CADPS2: variants seen among roughly 807,000 people sequenced by gnomAD.
CADPS2 encodes the protein calcium dependent secretion activator 2, also known as calcium-dependent secretion activator 2.
Under a neutral mutation model 172.5 loss-of-function variants are expected in CADPS2, and 93 were observed. The observed-to-expected ratio is 0.54, with a 90% CI of 0.46 to 0.64. The LOEUF is 0.64. CADPS2 is among the 30% of genes least tolerant of loss of function. CADPS2 has a pLI of 0.00. For missense variants in CADPS2, 1,420 were observed against 1,565.9 expected (o/e 0.91, Z 1.57); for synonymous variants, 546 against 555.2 (o/e 0.98, Z 0.23).
At chr7:122,559,239 G>A (rs2065409724) in intron 7 of CADPS2, among the ~76,000 whole-genome samples, 1 of 152,242 alleles carries the variant, frequency 6.6e-6, no homozygotes, top group East Asian at 1.9e-4. Flanking sequence ...TATGGGGGCT[G>A]TTGAAACCAA....
intron 8 of CADPS2, among the ~76,000 whole-genome samples, chr7:122,529,413 A>G (rs796174928): frequency 6.6e-6 from 1 of 152,128 alleles, no homozygotes; most frequent in South Asian, 2.1e-4. Context: ...CCCTAATTTT[A>G]CAACTATTAT....
At chr7:122,394,109 T>A (rs779363218) in intron 20 of CADPS2, among the ~76,000 whole-genome samples, 1 of 152,208 alleles carries the variant, frequency 6.6e-6, no homozygotes, top group Non-Finnish European at 1.5e-5. Flanking sequence ...TTATAGTTAT[T>A]TGTGGATTTT....
At chr7:122,638,291 C>A (rs1302373002) in intron 3 of CADPS2, among the ~76,000 whole-genome samples, 1 of 152,142 alleles carries the variant, frequency 6.6e-6, no homozygotes, top group Admixed American at 6.5e-5. Flanking sequence ...GGGATCTCAC[C>A]CTTTTCAGTA....
chr7:122,531,944 T>C (rs774308467), intron 8 of CADPS2, among the ~76,000 whole-genome samples: 2 of 151,812 alleles, frequency 1.3e-5, no homozygotes, highest in South Asian at 2.1e-4. Flanking sequence ...GGCAGGAGAA[T>C]TGCTTGAGCC....
At chr7:122,539,807 CTCTG>C (rs961818420) in intron 8 of CADPS2, among the ~76,000 whole-genome samples, 2 of 148,564 alleles carry the variant, frequency 1.3e-5, no homozygotes, top group Admixed American at 6.9e-5. Flanking sequence ...CTTTGTCCAT[CTCTG>C]TCTTTCTGTC....
intron 6 of CADPS2, among the ~76,000 whole-genome samples, chr7:122,607,797 T>C (rs1376292481): frequency 1.3e-5 from 2 of 152,174 alleles, no homozygotes; most frequent in African/African-American, 4.8e-5. Context: ...CTATCGGTCT[T>C]AGAGAAATGT....
intron 27 of CADPS2, among the ~76,000 whole-genome samples, chr7:122,356,723 A>G (rs2039452660): frequency 6.6e-6 from 1 of 152,180 alleles, no homozygotes; most frequent in Non-Finnish European, 1.5e-5. Flanking sequence ...ATAATCCAAT[A>G]TTACTTTACA....
intron 1 of CADPS2, among the ~76,000 whole-genome samples, chr7:122,785,630 T>A (rs987535664): frequency 6.6e-6 from 1 of 152,144 alleles, no homozygotes; most frequent in Non-Finnish European, 1.5e-5. Context: ...GCCCTCCTCT[T>A]GGGCTCAAGG....
In CADPS2 at chr7:122,696,459, T is replaced by C. The variant is rs1012506793; in HGVS notation, c.454-32890A>G. ...CATTTGCCCAGTTTTTGCCGATTCT[T>C]CCTGGCCTTAGATTAGTGTCTCTCC... is the stretch of plus-strand genomic sequence containing the variant. On this transcript the variant is annotated intron_variant, in intron 2 of 29. Transcript: ENST00000449022. 3.2e-4 allele frequency among the ~76,000 whole-genome samples: 48 copies of C among 152,192 alleles called. 1 individual carries two copies. The highest frequency in any genetic ancestry group is 2.9e-5 in the Non-Finnish European group (2 of 68,028).
rs569123764 is a variant in CADPS2, at chr7:122,607,810, C to T, written c.1223+7371G>A. ...CCCTATCGGTCTTAGAGAAATGTTA[C>T]TTCTAATGAATTTATTTATATAAAA... On this transcript the variant is annotated intron_variant, in intron 6 of 29. Coordinates refer to ENST00000449022, the MANE Select transcript of CADPS2 (RefSeq NM_017954.11). Among the ~76,000 whole-genome samples the T allele has an allele frequency of 2.0e-5, 3 of 152,186 alleles. No individual in the cohort carries two copies. In the East Asian group the frequency reaches 5.8e-4, roughly 29 times the overall value.
At chr7:122,831,660 T>A (rs1038097972) in intron 1 of CADPS2, among the ~76,000 whole-genome samples, 1 of 152,182 alleles carries the variant, frequency 6.6e-6, no homozygotes, top group Non-Finnish European at 1.5e-5. Flanking sequence ...GGCCAAAGCC[T>A]GTACTTGTGA....
chr7:122,785,911 T>A (rs989521937), intron 1 of CADPS2, among the ~76,000 whole-genome samples: 2 of 152,188 alleles, frequency 1.3e-5, no homozygotes, highest in Non-Finnish European at 2.9e-5. Flanking sequence ...ATCAGTTGCC[T>A]ATAGGTCCTC....
At chr7:122,358,736 T>C (rs559755354) in intron 27 of CADPS2, among the ~76,000 whole-genome samples, 2 of 152,216 alleles carry the variant, frequency 1.3e-5, no homozygotes, top group African/African-American at 4.8e-5. Flanking sequence ...AACAAGACCT[T>C]ACAGCTTTTA....
chr7:122,320,287 T>C lies in CADPS2; in HGVS notation c.3769A>G (p.Ser1257Gly). Residue 1257 changes from serine to glycine, a missense_variant, in exon 30 of 30, where the codon AGT becomes GGT. Transcript: ENST00000449022. ...LQGVLEGTLN[S>G]KTYDTVHRRL... ...CTGTGCACAGTATCATAAGTCTTAC[T>C]GTTCAGTGTTCCTTCCAACACACCC... The C allele has an allele frequency of 6.2e-7, 1 of 1,611,320 alleles. No individual in the cohort carries two copies. The highest frequency in any genetic ancestry group is 1.3e-5 in the African/African-American group (1 of 74,970).
intron 19 of CADPS2, among the ~76,000 whole-genome samples, chr7:122,408,986 G>A (rs190124201): frequency 6.6e-6 from 1 of 152,232 alleles, no homozygotes; most frequent in African/African-American, 2.4e-5. Flanking sequence ...TGAGAGTTGG[G>A]GACATTTTAA....
intron 7 of CADPS2, among the ~76,000 whole-genome samples, chr7:122,565,333 G>C (rs1452338510): frequency 6.6e-6 from 1 of 152,008 alleles, no homozygotes; most frequent in Non-Finnish European, 1.5e-5. Flanking sequence ...GTATGAGGTT[G>C]AGAAATCTCT....
Position 122,327,457 on chromosome 7 carries a change from G to C in CADPS2, c.3613-1876C>G, listed in dbSNP as rs144255966. On this transcript the variant is annotated intron_variant, in intron 28 of 29. Coordinates refer to ENST00000449022, the MANE Select transcript of CADPS2 (RefSeq NM_017954.11). Reference sequence around the variant, plus strand: ...TAAATATTTCTTTCTTGTTGAAGGAGAGAAACTATATATATTTTACGAAGC... The same window carrying C: ...TAAATATTTCTTTCTTGTTGAAGGACAGAAACTATATATATTTTACGAAGC... 3.9e-4 allele frequency among the ~76,000 whole-genome samples: 59 copies of C among 152,194 alleles called. No homozygotes were observed. In the Middle Eastern group the frequency reaches 0.01, roughly 26 times the overall value.
At chr7:122,559,413 C>T (rs1041938599) in intron 7 of CADPS2, among the ~76,000 whole-genome samples, 1 of 152,152 alleles carries the variant, frequency 6.6e-6, no homozygotes, top group East Asian at 1.9e-4. Flanking sequence ...ACGAAAAGAA[C>T]TTCAATCAGT....
At chr7:122,746,133 A>G (rs1160173966) in intron 1 of CADPS2, among the ~76,000 whole-genome samples, 4 of 152,178 alleles carry the variant, frequency 2.6e-5, no homozygotes, top group South Asian at 2.1e-4. Flanking sequence ...TATAATTGCC[A>G]TGATTTTAGA....
Sources: allele counts gnomAD v4.1 joint callset (sites outside exome capture counted in the v4.1 genomes callset), GRCh38; gene constraint gnomAD v4.1.1; transcripts MANE v1.5; gene names NCBI Gene and HGNC (gene_info 2026-07-23, HGNC 2026-07-21).